The following EPAS1 variants were observed in gnomAD, a reference collection of about 807,000 sequenced individuals.
EPAS1 encodes endothelial PAS domain-containing protein 1.
In EPAS1, 23 loss-of-function variants were observed where a neutral mutation model predicts 87.9. The observed-to-expected ratio is 0.26, with a 90% CI of 0.19 to 0.37. The LOEUF (loss-of-function observed/expected upper bound fraction) is 0.37. EPAS1 is among the 10% of genes least tolerant of loss of function. The pLI is 1.00. For missense variants in EPAS1, 1,138 were observed against 1,120.7 expected (o/e 1.02, Z -0.22); for synonymous variants, 508 against 444.3 (o/e 1.14, Z -1.80).
intron 1 of EPAS1, among the ~76,000 whole-genome samples, chr2:46,307,951 G>A (rs901221439): frequency 1.3e-5 from 2 of 152,188 alleles, no homozygotes; most frequent in African/African-American, 4.8e-5. Context: ...CCTCAGTAAA[G>A]ACATGGGTCC....
At chr2:46,364,595 A>G (rs995717649) in intron 6 of EPAS1, among the ~76,000 whole-genome samples, 2 of 152,248 alleles carry the variant, frequency 1.3e-5, no homozygotes, top group Admixed American at 6.5e-5. Context: ...TACCATATTA[A>G]GTCCTGCATT....
intron 1 of EPAS1, among the ~76,000 whole-genome samples, chr2:46,336,280 T>A (rs141750549): frequency 1.7e-3 from 259 of 152,298 alleles, no homozygotes; most frequent in African/African-American, 5.6e-3. Flanking sequence ...GTGGAAGATG[T>A]TGTGTCTGTG....
At chr2:46,383,073 A>C (rs13019268) in intron 15 of EPAS1, among the ~76,000 whole-genome samples, 57,000 of 152,156 alleles carry the variant, frequency 0.37, 12,910 homozygotes, top group Non-Finnish European at 0.52. Flanking sequence ...CGTCTATGCA[A>C]GGATGAGCTT....
chr2:46,376,171 GA>G (rs3214773), intron 8 of EPAS1, among the ~76,000 whole-genome samples: 53,750 of 150,170 alleles, frequency 0.36, 11,137 homozygotes, highest in Non-Finnish European at 0.49. Flanking sequence ...ATGCTTTTGG[GA>G]AAAAAAAAAG....
intron 1 of EPAS1, among the ~76,000 whole-genome samples, chr2:46,338,810 C>T (rs1683849954): frequency 6.6e-6 from 1 of 152,078 alleles, no homozygotes; most frequent in Non-Finnish European, 1.5e-5. Context: ...GTTCTGTCTT[C>T]CTTCCCTCTG....
Position 46,356,023 on chromosome 2 carries a change from G to C in EPAS1, c.218-128G>C, listed in dbSNP as rs116802514. 8,951 of 977,336 alleles carry C rather than the reference G, an allele frequency of 9.2e-3. 88 individuals carry two copies. The highest frequency in any genetic ancestry group is 0.039 in the Admixed American group (2,212 of 56,938). The allele number at this position is 977,336 out of a possible 1,614,324, so 60.5% of individuals were successfully genotyped here. Reference sequence around the variant, plus strand: ...GCGGAGGCAGACATTCAGATGGTTGGCAGTATGCGTTTCCAGAAAAGTCCA... The same window carrying C: ...GCGGAGGCAGACATTCAGATGGTTGCCAGTATGCGTTTCCAGAAAAGTCCA... On this transcript the variant is annotated intron_variant, in intron 2 of 15. Transcript: ENST00000263734.
At chr2:46,350,655 G>A (rs556281030) in intron 2 of EPAS1, among the ~76,000 whole-genome samples, 4 of 152,206 alleles carry the variant, frequency 2.6e-5, no homozygotes, top group South Asian at 4.1e-4. Context: ...AACCATGAGC[G>A]AATCAGGGTC....
Position 46,313,280 on chromosome 2 carries a change from G to C in EPAS1, c.26+15343G>C, listed in dbSNP as rs572640678. On this transcript the variant is annotated intron_variant, in intron 1 of 15. Transcript: ENST00000263734. The stretch of plus-strand genomic sequence containing the variant: ...TTTGATGCCCCTAATGCCTAAGCTT[G>C]CTCATCCCTCAGCCCCACCCATGAG... 4.3e-4 allele frequency among the ~76,000 whole-genome samples: 65 copies of C among 152,132 alleles called. 2 individuals carry two copies. In the South Asian group the frequency reaches 0.013, roughly 31 times the overall value.
At chr2:46,353,480 T>C (rs931958960) in intron 2 of EPAS1, among the ~76,000 whole-genome samples, 4 of 152,244 alleles carry the variant, frequency 2.6e-5, no homozygotes, top group African/African-American at 9.6e-5. Flanking sequence ...CTCACATTTT[T>C]ATTTTGCACT....
intron 6 of EPAS1, among the ~76,000 whole-genome samples, chr2:46,366,013 A>G (rs1684492505): frequency 6.6e-6 from 1 of 152,248 alleles, no homozygotes; most frequent in South Asian, 2.1e-4. Context: ...CATCTTGCTT[A>G]CATGATTAAT....
chr2:46,341,956 T>C (rs532576082), intron 1 of EPAS1, among the ~76,000 whole-genome samples: 1 of 152,282 alleles, frequency 6.6e-6, no homozygotes, highest in East Asian at 1.9e-4. Context: ...CAAAAACATT[T>C]AAGTCCAACC....
chr2:46,381,101 G>GC (rs1398057866), intron 12 of EPAS1: 8 of 355,256 alleles, frequency 2.3e-5, no homozygotes, highest in Non-Finnish European at 3.2e-5. Context: ...CCTTTTGGCT[G>GC]CCCCCGGGTC....
At chr2:46,302,136 G>C (rs1032991356) in intron 1 of EPAS1, among the ~76,000 whole-genome samples, 15 of 145,696 alleles carry the variant, frequency 1.0e-4, no homozygotes, top group African/African-American at 3.5e-4. Context: ...GTGTGTGTGT[G>C]TGTGTGTGTG....
Position 46,378,652 on chromosome 2 carries a change from C to T in EPAS1, c.1444-5C>T. 1 of 1,613,442 alleles carries T rather than the reference C, an allele frequency of 6.2e-7. No homozygotes were observed. Among genetic ancestry groups the T allele is most frequent in the South Asian group, 1.1e-5 (1 of 91,044 alleles). On this transcript the variant is annotated splice_polypyrimidine_tract_variant and splice_region_variant and intron_variant, in intron 10 of 15. Coordinates refer to ENST00000263734, the MANE Select transcript of EPAS1 (RefSeq NM_001430.5). Reference sequence around the variant, plus strand: ...GACTCTGTCCCCCTCCTTCCTGGCCCCTAGCCCAATAGCCCTGAAGACTAT... The same window carrying T: ...GACTCTGTCCCCCTCCTTCCTGGCCTCTAGCCCAATAGCCCTGAAGACTAT...
intron 14 of EPAS1, 89 bp downstream of exon 14, chr2:46,382,178 C>T: frequency 8.0e-7 from 1 of 1,250,300 alleles, no homozygotes; most frequent in South Asian, 1.3e-5. Context: ...CCATTCACCA[C>T]AGGCCGTACC....
chr2:46,352,056 T>C (rs1029538078), intron 2 of EPAS1, among the ~76,000 whole-genome samples: 1 of 152,238 alleles, frequency 6.6e-6, no homozygotes, highest in South Asian at 2.1e-4. Flanking sequence ...AATCTTGTTA[T>C]GCTCCCCAGG....
At chr2:46,384,401 G>A in intron 15 of EPAS1, 108 bp from the exon 16 acceptor site, 1 of 1,480,936 alleles carries the variant, frequency 6.8e-7, no homozygotes. Context: ...TGAAGGAGCA[G>A]AGTGAAATTA....
chr2:46,376,156 C>T (rs944900523), intron 8 of EPAS1, among the ~76,000 whole-genome samples: 29 of 140,044 alleles, frequency 2.1e-4, no homozygotes, highest in African/African-American at 6.2e-4. Context: ...GAAAGAGAAT[C>T]GCTTATGCTT....
intron 1 of EPAS1, chr2:46,335,671 G>C (rs1277588516): frequency 6.6e-6 from 1 of 152,090 alleles, no homozygotes; most frequent in Non-Finnish European, 1.5e-5. Context: ...CAGTGGGAGA[G>C]AGGAGGAACG....
Sources: allele counts gnomAD v4.1 joint callset (sites outside exome capture counted in the v4.1 genomes callset), GRCh38; gene constraint gnomAD v4.1.1; transcripts MANE v1.5; gene names NCBI Gene and HGNC (gene_info 2026-07-23, HGNC 2026-07-21).